RNF6: variants seen among roughly 807,000 people sequenced by gnomAD.
The protein encoded by RNF6 is ring finger protein 6.
RNF6 carries 21 observed loss-of-function variants against 50.1 expected under a neutral mutation model. The ratio of observed to expected loss-of-function variants is 0.42; its 90% CI spans 0.30 to 0.60. The LOEUF is 0.60. Among genes scored for constraint, RNF6 ranks in the 20% least tolerant of loss-of-function variants. The pLI is 0.20. For synonymous variants in RNF6, 255 were observed against 291.8 expected, an observed-to-expected ratio of 0.87 and a Z score of 1.29; for missense variants, 698 against 838.2, an observed-to-expected ratio of 0.83 and a Z score of 2.07.
chr13:26,197,187 C>T (rs1435836122), intron 5 of RNF6, among the ~76,000 whole-genome samples: 4 of 151,900 alleles, frequency 2.6e-5, no homozygotes, highest in South Asian at 2.1e-4. Flanking sequence ...TGATCCAGCA[C>T]ACTCTTGAGA....
At chr13:26,146,517 C>T (rs1462444037) in intron 5 of RNF6, among the ~76,000 whole-genome samples, 1 of 152,202 alleles carries the variant, frequency 6.6e-6, no homozygotes, top group Non-Finnish European at 1.5e-5. Flanking sequence ...TTTTATTTCT[C>T]ACAGTCATGG....
rs751421177 is a variant in RNF6, at chr13:26,214,898, C to G, written c.984G>C (p.Arg328Ser). Residue 328 changes from arginine (R) to serine (S), a missense_variant, in exon 5 of 5, where the codon AGG (arginine) becomes AGC (serine). Arg to Ser is a moderately radical substitution (Grantham distance 110). Coordinates refer to ENST00000381588, the MANE Select transcript of RNF6 (RefSeq NM_005977.4). ...QSGTVYHNSQ[R>S]ESRPVQQTTR... ...TGGTTTGCTGTACTGGTCTACTTTC[C>G]CTTTGGGAATTATGATAAACAGTGC... 6.2e-7 allele frequency: 1 copy of G among 1,614,214 alleles called. No individual in the cohort carries two copies. The highest frequency in any genetic ancestry group is 2.2e-5 in the East Asian group (1 of 44,886).
intron 4 of RNF6, among the ~76,000 whole-genome samples, chr13:26,216,850 G>C (rs1869930074): frequency 6.6e-6 from 1 of 152,098 alleles, no homozygotes; most frequent in Non-Finnish European, 1.5e-5. Context: ...AGCTACTCAG[G>C]AGGCTGAGGC....
intron 5 of RNF6, among the ~76,000 whole-genome samples, chr13:26,135,745 G>T (rs936136777): frequency 6.6e-6 from 1 of 152,152 alleles, no homozygotes; most frequent in South Asian, 2.1e-4. Context: ...TTGGTGGTAG[G>T]CCTAGGAGGT....
chr13:26,194,430 G>A (rs148967478), intron 5 of RNF6, among the ~76,000 whole-genome samples: 105 of 152,192 alleles, frequency 6.9e-4, no homozygotes, highest in African/African-American at 2.4e-3. Context: ...GCATAGGCTC[G>A]CTAAAAGACT....
At chr13:26,138,593 G>A (rs919282627) in intron 5 of RNF6, among the ~76,000 whole-genome samples, 1 of 151,934 alleles carries the variant, frequency 6.6e-6, no homozygotes, top group African/African-American at 2.4e-5. Context: ...GATAATAATA[G>A]CAAAAAGAGG....
chr13:26,138,046 C>A (rs1205872442), intron 5 of RNF6, among the ~76,000 whole-genome samples: 1 of 152,024 alleles, frequency 6.6e-6, no homozygotes, highest in African/African-American at 2.4e-5. Flanking sequence ...GAGATGCACA[C>A]CTAAACAAAT....
intron 5 of RNF6, among the ~76,000 whole-genome samples, chr13:26,139,393 A>G (rs1870816869): frequency 6.6e-6 from 1 of 151,982 alleles, no homozygotes; most frequent in South Asian, 2.1e-4. Flanking sequence ...TCTTGCTTCT[A>G]CCTCCTGACC....
intron 4 of RNF6, among the ~76,000 whole-genome samples, 189 bp downstream of exon 4, chr13:26,218,322 T>C (rs1297645966): frequency 1.3e-5 from 2 of 152,218 alleles, no homozygotes; most frequent in African/African-American, 2.4e-5. Flanking sequence ...TTAAGACATC[T>C]TTGCATTCAT....
chr13:26,187,349 G>C (rs939510906), intron 5 of RNF6, among the ~76,000 whole-genome samples: 1 of 152,204 alleles, frequency 6.6e-6, no homozygotes, highest in African/African-American at 2.4e-5. Flanking sequence ...GATGGCCTTG[G>C]GGATCGCGGA....
downstream of RNF6, among the ~76,000 whole-genome samples, chr13:26,209,070 T>C (rs1450371887): frequency 2.0e-5 from 3 of 152,214 alleles, no homozygotes; most frequent in Admixed American, 6.5e-5. Context: ...TAAATACAAT[T>C]GTTAAGAAAC....
intron 5 of RNF6, among the ~76,000 whole-genome samples, chr13:26,197,252 C>T (rs565451974): frequency 6.6e-6 from 1 of 152,056 alleles, no homozygotes; most frequent in South Asian, 2.1e-4. Context: ...TTCCAGCCAA[C>T]ACCTGGGGAA....
chr13:26,163,672 T>G (rs1566415444), intron 5 of RNF6, among the ~76,000 whole-genome samples: 1 of 152,220 alleles, frequency 6.6e-6, no homozygotes, highest in Non-Finnish European at 1.5e-5. Context: ...TCTTCATGTT[T>G]CTTCTGTTCT....
intron 5 of RNF6, among the ~76,000 whole-genome samples, chr13:26,186,443 T>C (rs1410871504): frequency 2.0e-5 from 3 of 152,222 alleles, no homozygotes; most frequent in Admixed American, 6.5e-5. Flanking sequence ...GGGGGGCGTC[T>C]GCGTGGCACG....
At chr13:26,140,891 A>C (rs955986545) in intron 5 of RNF6, among the ~76,000 whole-genome samples, 1 of 152,204 alleles carries the variant, frequency 6.6e-6, no homozygotes, top group Non-Finnish European at 1.5e-5. Context: ...ATAGCTGTAC[A>C]CACACAAAAA....
At position 26,214,636 on chromosome 13, in the gene RNF6, T is replaced by C. The variant is rs1869645153; in HGVS notation, c.1246A>G (p.Ser416Gly). 1 of 1,614,230 alleles carries C rather than the reference T, an allele frequency of 6.2e-7. No homozygotes were observed. Among genetic ancestry groups the C allele is most frequent in the Non-Finnish European group, 8.5e-7 (1 of 1,180,038 alleles). Residue 416 changes from serine to glycine, a missense_variant, in exon 5 of 5, where the codon AGT (serine) becomes GGT (glycine). Coordinates refer to ENST00000381588, the MANE Select transcript of RNF6 (RefSeq NM_005977.4). ...CTGGATCGAGTTCTATTTGCAATAC[T>C]ATCCCGATCTCTATTTTCTCCAGGA... The part of the protein sequence containing the change: ...IRPGENRDRD[S>G]IANRTRSRVG...
intron 5 of RNF6, among the ~76,000 whole-genome samples, chr13:26,148,632 T>TTTTATATATATATA (rs1555314571): frequency 2.1e-5 from 1 of 47,086 alleles, no homozygotes; most frequent in Non-Finnish European, 3.7e-5. Context: ...ATAAATCTCT[T>TTTTATATATATATA]TATATATATA....
intron 5 of RNF6, among the ~76,000 whole-genome samples, chr13:26,174,121 C>T (rs1028465450): frequency 1.1e-4 from 17 of 152,120 alleles, no homozygotes; most frequent in Admixed American, 6.5e-5. Flanking sequence ...ACTGCTAGAA[C>T]ACTTTTAAGC....
intron 5 of RNF6, among the ~76,000 whole-genome samples, chr13:26,146,416 C>T (rs9512120): frequency 0.68 from 103,196 of 152,070 alleles, 35,656 homozygotes; most frequent in East Asian, 0.83. Flanking sequence ...ATTTAGGTTT[C>T]CAATTAAGTG....
Sources: gnomAD v4.1 joint callset for allele counts (sites outside exome capture counted in the v4.1 genomes callset) on GRCh38, gnomAD v4.1.1 for gene constraint, MANE v1.5 for transcripts, NCBI Gene and HGNC (gene_info 2026-07-23, HGNC 2026-07-21) for gene names.